Variants in RNF13 observed in about 807,000 individuals in gnomAD.
RNF13 encodes E3 ubiquitin-protein ligase RNF13.
A neutral mutation model predicts 37.7 loss-of-function variants in RNF13; 19 were observed. The ratio of observed to expected loss-of-function variants is 0.50; its 90% CI spans 0.35 to 0.74. The LOEUF is 0.74. Among genes scored for constraint, RNF13 ranks in the 30% least tolerant of loss-of-function variants. RNF13 has a pLI of 0.01. For missense variants in RNF13, 375 were observed against 453.0 expected, an observed-to-expected ratio of 0.83 and a Z score of 1.56; for synonymous variants, 144 against 157.8, an observed-to-expected ratio of 0.91 and a Z score of 0.65.
intron 3 of RNF13, among the ~76,000 whole-genome samples, chr3:149,861,737 G>C (rs1381059982): frequency 6.6e-6 from 1 of 152,120 alleles, no homozygotes; most frequent in African/African-American, 2.4e-5. Context: ...GGTGACTATA[G>C]TTAGCAATAA....
intron 6 of RNF13, among the ~76,000 whole-genome samples, chr3:149,911,377 A>G (rs1576524772): frequency 6.6e-6 from 1 of 152,070 alleles, no homozygotes; most frequent in Non-Finnish European, 1.5e-5. Context: ...ACATCTCTAG[A>G]CCTGCCGTGG....
intron 8 of RNF13, 44 bp from the exon 9 acceptor site, chr3:149,960,012 T>C (rs372687992): frequency 1.5e-5 from 20 of 1,370,778 alleles, no homozygotes; most frequent in African/African-American, 5.7e-5. Context: ...CTTGAAAAGT[T>C]TGAAAGGTGA....
chr3:149,899,968 A>G (rs1056078707), intron 5 of RNF13, among the ~76,000 whole-genome samples: 3 of 152,172 alleles, frequency 2.0e-5, no homozygotes, highest in African/African-American at 7.2e-5. Flanking sequence ...TCAAATTGTA[A>G]TCTATCTTTG....
chr3:149,919,410 C>CT (rs1456871607), intron 7 of RNF13, among the ~76,000 whole-genome samples: 2 of 152,142 alleles, frequency 1.3e-5, no homozygotes, highest in African/African-American at 4.8e-5. Context: ...CCTCACTACC[C>CT]TTCTCCATGC....
At chr3:149,829,330 C>A (rs959251116) in intron 1 of RNF13, among the ~76,000 whole-genome samples, 10 of 152,074 alleles carry the variant, frequency 6.6e-5, no homozygotes, top group Admixed American at 1.3e-4. Flanking sequence ...GAACTCCTGA[C>A]CTCGGGCGAT....
At chr3:149,939,907 A>C in intron 8 of RNF13, 1 of 304,278 alleles carries the variant, frequency 3.3e-6, no homozygotes. Context: ...GTGTCTTCAT[A>C]TTTAAAGTGG....
At chr3:149,948,151 A>G (rs958121959) in intron 8 of RNF13, among the ~76,000 whole-genome samples, 1 of 152,022 alleles carries the variant, frequency 6.6e-6, no homozygotes, top group Non-Finnish European at 1.5e-5. Flanking sequence ...GGGTTTCACC[A>G]TGCTGGCCAG....
At chr3:149,920,732 A>T (rs1386601591) in intron 7 of RNF13, among the ~76,000 whole-genome samples, 1 of 150,232 alleles carries the variant, frequency 6.7e-6, no homozygotes, top group Non-Finnish European at 1.5e-5. Flanking sequence ...GTAACTAATA[A>T]GTGTATGTTT....
intron 2 of RNF13, among the ~76,000 whole-genome samples, chr3:149,848,116 A>G (rs1458449326): frequency 2.0e-5 from 3 of 152,202 alleles, no homozygotes; most frequent in African/African-American, 7.2e-5. Flanking sequence ...TTTAATCTTC[A>G]TTATAATTAT....
intron 1 of RNF13, among the ~76,000 whole-genome samples, chr3:149,838,284 C>A (rs1227268290): frequency 6.6e-6 from 1 of 152,172 alleles, no homozygotes; most frequent in African/African-American, 2.4e-5. Flanking sequence ...ATTCTGGCGT[C>A]TGGTGGACAG....
rs887196377 is a variant in RNF13, at chr3:149,896,875, A to T, written c.409+1315A>T. ...ATTTCTTAATTTCTTTATATTTTAA[A>T]TTATTATTTTAACCTCCTAGCTAAT... On this transcript the variant is annotated intron_variant, in intron 5 of 9. Coordinates refer to ENST00000392894, the MANE Select transcript of RNF13 (RefSeq NM_183381.3). Among the ~76,000 whole-genome samples the T allele has an allele frequency of 2.0e-5, 3 of 152,138 alleles. No homozygotes were observed. In the South Asian group the frequency reaches 6.2e-4, roughly 31 times the overall value.
chr3:149,932,297 C>T (rs1428110692), intron 8 of RNF13, among the ~76,000 whole-genome samples: 1 of 152,050 alleles, frequency 6.6e-6, no homozygotes, highest in African/African-American at 2.4e-5. Flanking sequence ...TTTATATTCC[C>T]ACCAGCAGTG....
chr3:149,856,128 A>G (rs1723622515), intron 3 of RNF13, among the ~76,000 whole-genome samples: 3 of 152,180 alleles, frequency 2.0e-5, no homozygotes, highest in Admixed American at 1.3e-4. Context: ...CCAAAAAAAA[A>G]AAAACGGTGT....
chr3:149,889,875 G>A (rs1019097290), intron 4 of RNF13, among the ~76,000 whole-genome samples: 1 of 150,720 alleles, frequency 6.6e-6, no homozygotes, highest in African/African-American at 2.4e-5. Context: ...GACTAGTCCC[G>A]AATTTCTTGG....
rs956837900 is a variant in RNF13 at position 149,867,785 on chromosome 3, G to C, written c.196-4244G>C. The stretch of plus-strand genomic sequence containing the variant: ...GGAGAATGGATTCCATTTACATTTA[G>C]TGTTATTGATGAGTTAGGACTTTTA... On this transcript the variant is annotated intron_variant, in intron 3 of 9. Coordinates refer to ENST00000392894, the MANE Select transcript of RNF13 (RefSeq NM_183381.3). 7.2e-5 allele frequency among the ~76,000 whole-genome samples: 11 copies of C among 151,846 alleles called. No individual in the cohort carries two copies. The East Asian group carries it at 1.9e-3, about 27-fold the overall frequency.
intron 2 of RNF13, among the ~76,000 whole-genome samples, chr3:149,847,350 A>T (rs1265391945): frequency 6.6e-6 from 1 of 152,100 alleles, no homozygotes; most frequent in Admixed American, 6.6e-5. Flanking sequence ...TCTGGGTGCA[A>T]CTGATTTGCT....
Position 149,912,035 on chromosome 3 carries a change from C to T in RNF13, c.558C>T (p.Pro186=). The T allele has an allele frequency of 6.2e-7, 1 of 1,600,188 alleles. No individual in the cohort carries two copies. Among genetic ancestry groups the T allele is most frequent in the Non-Finnish European group, 8.6e-7 (1 of 1,168,304 alleles). ...FSLPLEYYLI[P]FLIIVGICLI... is the part of the protein sequence containing the mutation. The stretch of plus-strand genomic sequence containing the variant: ...TTCCTTTGGAATACTACCTAATTCC[C>T]TTCCTTATCATAGTGGGCATCTGTC... The change falls in exon 7 of 10, where the codon CCC becomes CCT. Residue 186 remains proline (P), a synonymous_variant. Transcript: ENST00000392894.
intron 3 of RNF13, among the ~76,000 whole-genome samples, chr3:149,866,457 A>G (rs6769573): frequency 0.11 from 16,916 of 152,206 alleles, 1,254 homozygotes; most frequent in African/African-American, 0.21. Flanking sequence ...TCACGTCACC[A>G]TCTTGGTTTT....
intron 8 of RNF13, among the ~76,000 whole-genome samples, chr3:149,954,884 C>G (rs901232795): frequency 1.3e-5 from 2 of 152,106 alleles, no homozygotes; most frequent in African/African-American, 2.4e-5. Context: ...ATGTGGTTTC[C>G]TGTATTTCCT....
Sources: allele counts gnomAD v4.1 joint callset (sites outside exome capture counted in the v4.1 genomes callset), GRCh38; gene constraint gnomAD v4.1.1; transcripts MANE v1.5; gene names NCBI Gene and HGNC (gene_info 2026-07-23, HGNC 2026-07-21).